Variants in ARK2C observed in about 807,000 individuals in gnomAD.
The protein encoded by ARK2C is E3 ubiquitin-protein ligase ARK2C.
At chr18:46,351,148 A>C in the ARK2C span, among the ~76,000 whole-genome samples, 4,834 of 152,212 alleles carry the variant, frequency 0.032, 259 homozygotes, top group African/African-American at 0.11. Flanking sequence ...TGCTGGGAGG[A>C]GGCCCTGGAA....
the ARK2C span, among the ~76,000 whole-genome samples, chr18:46,372,434 C>T: frequency 6.6e-6 from 1 of 152,212 alleles, no homozygotes; most frequent in Non-Finnish European, 1.5e-5. Context: ...GATATAGTGC[C>T]CAGGGCAGCC....
the ARK2C span, among the ~76,000 whole-genome samples, chr18:46,371,822 A>G: frequency 6.6e-6 from 1 of 152,198 alleles, no homozygotes; most frequent in Non-Finnish European, 1.5e-5. Flanking sequence ...GGTGGAATTT[A>G]CCTGTGTCCA....
At chr18:46,441,786 G>A in the ARK2C span, among the ~76,000 whole-genome samples, 1 of 149,280 alleles carries the variant, frequency 6.7e-6, no homozygotes, top group African/African-American at 2.5e-5. Context: ...TACTCGGGAG[G>A]CTGAGGCAGG....
the ARK2C span, among the ~76,000 whole-genome samples, chr18:46,365,333 A>C: frequency 3.5e-4 from 54 of 152,204 alleles, no homozygotes; most frequent in Admixed American, 9.2e-4. Context: ...CGAGTCCAGG[A>C]GGTCTTTTTT....
the ARK2C span, among the ~76,000 whole-genome samples, chr18:46,391,527 T>C: frequency 1.3e-5 from 2 of 152,140 alleles, no homozygotes; most frequent in East Asian, 1.9e-4. Context: ...CCCCATGTTC[T>C]GTGGGAAGCC....
At chr18:46,341,889 G>A in the ARK2C span, among the ~76,000 whole-genome samples, 1 of 152,176 alleles carries the variant, frequency 6.6e-6, no homozygotes, top group Non-Finnish European at 1.5e-5. Context: ...AAGTGGGCAA[G>A]TACCAGGAGC....
the ARK2C span, chr18:46,457,568 C>T: frequency 6.5e-6 from 1 of 152,872 alleles, no homozygotes; most frequent in Non-Finnish European, 1.5e-5. Flanking sequence ...AGCTATATCC[C>T]CCCAGTTCCA....
At chr18:46,387,983 G>A in the ARK2C span, among the ~76,000 whole-genome samples, 1 of 152,194 alleles carries the variant, frequency 6.6e-6, no homozygotes, top group South Asian at 2.1e-4. Flanking sequence ...ATCCCCACAG[G>A]CTGGGGATTT....
the ARK2C span, among the ~76,000 whole-genome samples, chr18:46,344,553 C>A: frequency 6.6e-5 from 10 of 152,360 alleles, no homozygotes; most frequent in African/African-American, 2.4e-4. Context: ...CGTGGAGACA[C>A]TGGCCTTCCT....
At chr18:46,340,814 G>A in the ARK2C span, among the ~76,000 whole-genome samples, 239 of 152,352 alleles carry the variant, frequency 1.6e-3, no homozygotes, top group African/African-American at 5.6e-3. Context: ...CTTCACAACT[G>A]TAGGTGTTTG....
At chr18:46,350,351 A>C in the ARK2C span, among the ~76,000 whole-genome samples, 1 of 152,202 alleles carries the variant, frequency 6.6e-6, no homozygotes, top group Admixed American at 6.5e-5. Flanking sequence ...GATGGAGAAA[A>C]CAATCATCAC....
At chr18:46,363,660 C>T in the ARK2C span, among the ~76,000 whole-genome samples, 3 of 152,214 alleles carry the variant, frequency 2.0e-5, no homozygotes, top group Non-Finnish European at 2.9e-5. Flanking sequence ...CACAGCCCTG[C>T]CCATGGGAGA....
chr18:46,336,943 G>A, the ARK2C span: 1 of 985,378 alleles, frequency 1.0e-6, no homozygotes, highest in Non-Finnish European at 1.2e-6. Context: ...AAAACTTGGT[G>A]CACCAAGGTC....
At chr18:46,371,666 A>T in the ARK2C span, among the ~76,000 whole-genome samples, 5 of 152,188 alleles carry the variant, frequency 3.3e-5, no homozygotes, top group African/African-American at 4.8e-5. Context: ...GGGAAATGAG[A>T]GCTGAAACAA....
chr18:46,453,737 A>G, the ARK2C span, among the ~76,000 whole-genome samples: 1 of 152,084 alleles, frequency 6.6e-6, no homozygotes, highest in Non-Finnish European at 1.5e-5. Flanking sequence ...GAATAAAAAT[A>G]TAGAAAATAC....
chr18:46,389,318 T>C, the ARK2C span, among the ~76,000 whole-genome samples: 3 of 152,354 alleles, frequency 2.0e-5, no homozygotes, highest in African/African-American at 7.2e-5. Flanking sequence ...CTTATGTGCA[T>C]CTTTCCCAAC....
chr18:46,398,921 T>C, the ARK2C span, among the ~76,000 whole-genome samples: 12 of 151,774 alleles, frequency 7.9e-5, no homozygotes, highest in African/African-American at 2.9e-4. Context: ...AGGGCAGTGG[T>C]TCTGAAACCT....
the ARK2C span, among the ~76,000 whole-genome samples, chr18:46,416,882 C>T: frequency 2.0e-5 from 3 of 152,342 alleles, no homozygotes; most frequent in South Asian, 2.1e-4. Flanking sequence ...CTTCTGCTAC[C>T]TTCTATTGGC....
the ARK2C span, among the ~76,000 whole-genome samples, chr18:46,416,509 A>G: frequency 6.6e-6 from 1 of 152,294 alleles, no homozygotes; most frequent in African/African-American, 2.4e-5. Flanking sequence ...TGAGAGCACA[A>G]CTCAAAATTG....
Sources: gnomAD v4.1 joint callset for allele counts (sites outside exome capture counted in the v4.1 genomes callset) on GRCh38, gnomAD v4.1.1 for gene constraint, MANE v1.5 for transcripts, NCBI Gene and HGNC (gene_info 2026-07-23, HGNC 2026-07-21) for gene names.